The following PPP2R3A variants were observed in gnomAD, a reference collection of about 807,000 sequenced individuals.
The protein encoded by PPP2R3A is serine/threonine-protein phosphatase 2A regulatory subunit B'' subunit alpha.
PPP2R3A carries 80 observed loss-of-function variants against 106.9 expected under a neutral mutation model. The observed-to-expected ratio is 0.75, with a 90% CI of 0.62 to 0.90. The LOEUF (loss-of-function observed/expected upper bound fraction) is 0.90. PPP2R3A is among the 40% of genes least tolerant of loss of function. The probability of loss-of-function intolerance (pLI) is 0.00; values close to 1 mark genes in which losing one functional copy is unlikely to be tolerated. For synonymous variants in PPP2R3A, 483 were observed against 468.3 expected, an observed-to-expected ratio of 1.03 and a Z score of -0.41; for missense variants, 1,386 against 1,350.4, an observed-to-expected ratio of 1.03 and a Z score of -0.41.
intron 5 of PPP2R3A, among the ~76,000 whole-genome samples, chr3:136,053,335 T>G (rs1458247997): frequency 6.6e-6 from 1 of 151,662 alleles, no homozygotes; most frequent in Non-Finnish European, 1.5e-5. Flanking sequence ...ATAAATAGTT[T>G]AATAATAAAT....
chr3:136,007,168 A>G lies in PPP2R3A; in HGVS notation c.1995+3675A>G, dbSNP rs764590037. 2.6e-5 allele frequency among the ~76,000 whole-genome samples: 4 copies of G among 152,250 alleles called. No individual in the cohort carries two copies. The East Asian group carries it at 5.8e-4, about 22-fold the overall frequency. Reference sequence around the variant, plus strand: ...AAAAATGAAATAGTGAAATAAGAATATGGAAGGAGATGTGTGAATCTCTCT... The same window carrying G: ...AAAAATGAAATAGTGAAATAAGAATGTGGAAGGAGATGTGTGAATCTCTCT... On this transcript the variant is annotated intron_variant, in intron 2 of 13. Transcript: ENST00000264977.
intron 13 of PPP2R3A, among the ~76,000 whole-genome samples, chr3:136,117,721 G>A (rs993826937): frequency 2.0e-5 from 3 of 152,142 alleles, no homozygotes; most frequent in Non-Finnish European, 4.4e-5. Flanking sequence ...TTCTGAAATT[G>A]AGGCAGTAAT....
At chr3:136,026,792 T>G in intron 2 of PPP2R3A, 40 bp from the exon 3 acceptor site, 2 of 1,533,450 alleles carry the variant, frequency 1.3e-6, no homozygotes, top group Non-Finnish European at 1.8e-6. Context: ...ATGAATACTG[T>G]TTAAATTTTT....
intron 7 of PPP2R3A, among the ~76,000 whole-genome samples, chr3:136,078,758 A>G (rs750013098): frequency 6.6e-6 from 1 of 152,192 alleles, no homozygotes; most frequent in African/African-American, 2.4e-5. Flanking sequence ...CGGCTTCACA[A>G]TAGATAAGCC....
intron 1 of PPP2R3A, among the ~76,000 whole-genome samples, chr3:135,998,675 T>C (rs1933500548): frequency 6.6e-6 from 1 of 152,188 alleles, no homozygotes; most frequent in Admixed American, 6.5e-5. Flanking sequence ...AAAATATATG[T>C]AAAAGAATGT....
At chr3:136,091,961 C>A (rs184078893) in intron 10 of PPP2R3A, among the ~76,000 whole-genome samples, 3 of 152,238 alleles carry the variant, frequency 2.0e-5, no homozygotes, top group Admixed American at 2.0e-4. Flanking sequence ...CATCCCAAAT[C>A]TGAAATCCAA....
intron 2 of PPP2R3A, among the ~76,000 whole-genome samples, chr3:136,017,546 A>G (rs149726657): frequency 9.1e-4 from 139 of 152,328 alleles, no homozygotes; most frequent in Non-Finnish European, 1.6e-3. Context: ...TTTTGTGTGG[A>G]CAAGGACAGG....
At chr3:135,992,645 AT>A (rs1163033076) in intron 1 of PPP2R3A, among the ~76,000 whole-genome samples, 44 of 152,324 alleles carry the variant, frequency 2.9e-4, no homozygotes, top group African/African-American at 1.0e-3. Flanking sequence ...TGTAGCTCTA[AT>A]ATCTGCAGGG....
At chr3:136,050,139 T>TA (rs1455853593) in intron 5 of PPP2R3A, among the ~76,000 whole-genome samples, 1 of 152,234 alleles carries the variant, frequency 6.6e-6, no homozygotes, top group Non-Finnish European at 1.5e-5. Context: ...ACTCTATATG[T>TA]ACTTATCTAG....
chr3:136,107,559 C>T (rs1020917899), intron 13 of PPP2R3A, among the ~76,000 whole-genome samples: 1 of 150,420 alleles, frequency 6.6e-6, no homozygotes, highest in Admixed American at 6.7e-5. Flanking sequence ...AGAAACTATC[C>T]AGCCCCATAG....
At chr3:136,008,708 T>C (rs1401149595) in intron 2 of PPP2R3A, among the ~76,000 whole-genome samples, 1 of 152,178 alleles carries the variant, frequency 6.6e-6, no homozygotes, top group Non-Finnish European at 1.5e-5. Flanking sequence ...ATTATTCATG[T>C]TCCTCCAGAA....
Position 136,002,009 on chromosome 3 carries a change from G to C in PPP2R3A, c.511G>C (p.Ala171Pro). The C allele has an allele frequency of 2.5e-6, 4 of 1,613,764 alleles. No individual in the cohort carries two copies. Among genetic ancestry groups the C allele is most frequent in the Non-Finnish European group, 3.4e-6 (4 of 1,179,908 alleles). The change falls in exon 2 of 14, where the codon GCC (alanine) becomes CCC (proline). Residue 171 changes from alanine to proline, a missense_variant. Physicochemically the swap from Ala to Pro is conservative, Grantham distance 27. Transcript: ENST00000264977. ...LCGHYNNDGNAPSFGLLRSSS... is the reference protein window; with the variant it reads ...LCGHYNNDGNPPSFGLLRSSS... ...TGGCCATTATAACAACGATGGGAAC[G>C]CCCCATCCTTTGGTTTACTGCGGAG...
chr3:136,060,506 C>A (rs61791712), intron 5 of PPP2R3A, among the ~76,000 whole-genome samples: 1 of 151,846 alleles, frequency 6.6e-6, no homozygotes, highest in East Asian at 1.9e-4. Context: ...ATACAGTTCT[C>A]ATGAGATCTG....
chr3:136,054,926 C>A (rs12633805), intron 5 of PPP2R3A, among the ~76,000 whole-genome samples: 4 of 151,962 alleles, frequency 2.6e-5, no homozygotes, highest in South Asian at 4.1e-4. Flanking sequence ...ATATAGATAT[C>A]TCATTTGAGT....
chr3:136,068,742 T>G (rs2107904042), intron 5 of PPP2R3A, among the ~76,000 whole-genome samples: 1 of 150,694 alleles, frequency 6.6e-6, no homozygotes, highest in African/African-American at 2.5e-5. Flanking sequence ...TCCATGATAT[T>G]TATCTATTAT....
rs553780377 is a variant in PPP2R3A at position 136,051,021 on chromosome 3, A to G, written c.2469+1660A>G. Among the ~76,000 whole-genome samples, 23 of 152,316 alleles carry G rather than the reference A, an allele frequency of 1.5e-4. No homozygotes were observed. The South Asian group carries it at 2.3e-3, about 15-fold the overall frequency. ...AAGAGCCCACCTGGGGAGTGTTTCT[A>G]TCTAGGCCTTCCCATGGGAATCAGT... On this transcript the variant is annotated intron_variant, in intron 5 of 13. Transcript: ENST00000264977.
At chr3:136,051,588 C>A (rs1277168157) in intron 5 of PPP2R3A, among the ~76,000 whole-genome samples, 1 of 152,204 alleles carries the variant, frequency 6.6e-6, no homozygotes. Context: ...CCTCAGCCTC[C>A]CAAAGTGCTG....
intron 13 of PPP2R3A, among the ~76,000 whole-genome samples, chr3:136,142,225 G>T (rs1165277496): frequency 6.6e-6 from 1 of 152,070 alleles, no homozygotes; most frequent in African/African-American, 2.4e-5. Flanking sequence ...TTCTAAGATG[G>T]GTAATTTTAT....
intron 6 of PPP2R3A, among the ~76,000 whole-genome samples, chr3:136,075,801 A>G (rs991424271): frequency 5.3e-5 from 8 of 152,364 alleles, no homozygotes; most frequent in Admixed American, 3.3e-4. Context: ...AAAAATCTTC[A>G]ATAGAAAAAT....
Sources: allele counts gnomAD v4.1 joint callset (sites outside exome capture counted in the v4.1 genomes callset), GRCh38; gene constraint gnomAD v4.1.1; transcripts MANE v1.5; gene names NCBI Gene and HGNC (gene_info 2026-07-23, HGNC 2026-07-21).